Variants in PCSK4 observed in about 807,000 individuals in gnomAD.
PCSK4 encodes the protein proprotein convertase subtilisin/kexin type 4, also known as testicular tissue protein Li 135.
PCSK4 carries 64 observed loss-of-function variants against 80.3 expected under a neutral mutation model. The observed-to-expected ratio is 0.80, with a 90% CI of 0.65 to 0.98. PCSK4 has a LOEUF of 0.98. PCSK4 is among the 50% of genes least tolerant of loss of function. The pLI, the probability that PCSK4 is intolerant of heterozygous loss-of-function variation, is 0.00. For missense variants in PCSK4, 1,213 were observed against 1,093.6 expected (o/e 1.11, Z -1.54); for synonymous variants, 561 against 487.6 (o/e 1.15, Z -1.98).
rs937768370 is a variant in PCSK4 at position 1,482,810 on chromosome 19, G to C, written c.1696+86C>G. On this transcript the variant is annotated intron_variant, in intron 13 of 14. Transcript: ENST00000300954. ...AAGGCCACTGGGAACCCCTTTTGCA[G>C]TGCGGTCACCAAGGCTAGCTCCAGA... 8 of 1,437,898 alleles carry C rather than the reference G, an allele frequency of 5.6e-6. No homozygotes were observed. In the South Asian group the frequency reaches 7.0e-5, roughly 13 times the overall value. 89.1% of individuals were successfully genotyped at this position (1,437,898 alleles called of 1,614,324 possible). A position where few individuals can be genotyped will look rare whatever the true frequency, so the allele number is the denominator to read the frequency against.
intron 6 of PCSK4, 102 bp downstream of exon 6, chr19:1,487,501 C>A: frequency 9.1e-7 from 1 of 1,095,024 alleles, no homozygotes; most frequent in Non-Finnish European, 1.3e-6. Context: ...CACCACCCAG[C>A]AGTGAGAGGG....
Position 1,483,744 on chromosome 19 carries a change from GC to G in PCSK4, c.1296del (p.Leu433CysfsTer37). On this transcript the variant is annotated frameshift_variant, in exon 11 of 15. Transcript: ENST00000300954. LOFTEE classifies it high-confidence loss of function. ...TCCACCAGCAGCCCGGCGTCCAGCA[GC>G]CCGTATCCGTAGTGATGGCTCACTG... 1.3e-6 allele frequency: 2 copies of G among 1,593,232 alleles called. No homozygotes were observed. The highest frequency in any genetic ancestry group is 1.7e-6 in the Non-Finnish European group (2 of 1,177,006).
At chr19:1,482,510 AG>A (rs1321150687) in intron 13 of PCSK4, 35 bp from the exon 14 acceptor site, 1 of 1,582,568 alleles carries the variant, frequency 6.3e-7, no homozygotes, top group African/African-American at 1.3e-5. Context: ...CAGGAGGAAA[AG>A]GAGGCTCTCG....
At chr19:1,490,162 C>T (rs1223099067) in exon 1 of PCSK4, 5 of 1,613,600 alleles carry the variant, frequency 3.1e-6, no homozygotes, top group East Asian at 4.5e-5. Flanking sequence ...ACCCACCGGC[C>T]CCAGGTTGAC....
chr19:1,481,843 G>T (rs747631635), exon 15 of PCSK4: 2 of 1,570,462 alleles, frequency 1.3e-6, no homozygotes, highest in Admixed American at 3.5e-5. Flanking sequence ...GGAGGTCCAT[G>T]GACATGCCGC....
chr19:1,490,465 G>C (rs1429796028), upstream of PCSK4: 1 of 538,330 alleles, frequency 1.9e-6, no homozygotes, highest in Non-Finnish European at 3.2e-6. Flanking sequence ...TCGACTCCCA[G>C]GGGGCCTTGC....
At position 1,489,760 on chromosome 19, in the gene PCSK4, C is replaced by T. The variant is rs183323423; in HGVS notation, c.294+33G>A. On this transcript the variant is annotated intron_variant, in intron 2 of 14. Transcript: ENST00000300954. ...TGGCCCCAGGAGGCAGCTGAGACCC[C>T]GGGCAGGGGGTTGGCCTCCAGGCCA... is the stretch of plus-strand genomic sequence containing the variant. The T allele has an allele frequency of 6.2e-3, 9,876 of 1,582,804 alleles. 53 individuals are homozygous for T. The highest frequency in any genetic ancestry group is 6.9e-3 in the Non-Finnish European group (8,012 of 1,164,002).
chr19:1,490,381 C>G (rs1599260340), exon 1 of PCSK4: 1 of 806,622 alleles, frequency 1.2e-6, no homozygotes. Context: ...GCGCAAATCC[C>G]CTCCCTCCCG....
In PCSK4 at chr19:1,487,700, A is replaced by T; in HGVS notation, c.594-9T>A. The T allele has an allele frequency of 6.4e-7, 1 of 1,552,694 alleles. No individual in the cohort carries two copies. The highest frequency in any genetic ancestry group is 1.4e-5 in the African/African-American group (1 of 73,360). ...CACAGCGGGTCCCGTGCCTGGTGCC[A>T]GGGCCAAGAGGGGCTCCTGTCACGG... On this transcript the variant is annotated splice_polypyrimidine_tract_variant and intron_variant, in intron 5 of 14. Coordinates refer to ENST00000300954, the Ensembl canonical transcript of PCSK4.
In PCSK4 at chr19:1,482,892, T is replaced by C. The variant is rs2145326534; in HGVS notation, c.1696+4A>G. 7.5e-6 allele frequency: 7 copies of C among 932,590 alleles called. No individual in the cohort carries two copies. Among genetic ancestry groups the C allele is most frequent in the Admixed American group, 2.0e-5 (1 of 51,100 alleles). 57.8% of individuals were successfully genotyped at this position (932,590 alleles called of 1,614,324 possible). On this transcript the variant is annotated splice_donor_region_variant and intron_variant, in intron 13 of 14. Transcript: ENST00000300954. ...CGCCCACCACAGCCCCGCCCCGCCC[T>C]CACCCGTGTTGAAATAGTAGCCCTT...
At chr19:1,484,426 G>T (rs962057148) in intron 8 of PCSK4, among the ~76,000 whole-genome samples, 6 of 152,044 alleles carry the variant, frequency 3.9e-5, no homozygotes, top group African/African-American at 1.4e-4. Flanking sequence ...GGCAGAGGTT[G>T]CAGTGAGCGG....
Position 1,489,468 on chromosome 19 carries a change from G to A in PCSK4, c.294+325C>T, listed in dbSNP as rs2084823619. On this transcript the variant is annotated intron_variant, in intron 2 of 14. Coordinates refer to ENST00000300954, the Ensembl canonical transcript of PCSK4. The stretch of plus-strand genomic sequence containing the variant: ...ACTCTTTGGAACCCATTACGGTGTC[G>A]TAAAATCCCCTTCCCTCCATCCCAT... The A allele has an allele frequency of 1.2e-5, 4 of 325,206 alleles. No homozygotes were observed. The South Asian group carries it at 1.2e-4, about 10-fold the overall frequency. The allele number at this position is 325,206 out of a possible 1,614,324, so 20.1% of individuals were successfully genotyped here.
upstream of PCSK4, chr19:1,490,615 G>A (rs1331367351): frequency 3.5e-5 from 15 of 424,512 alleles, no homozygotes; most frequent in African/African-American, 6.2e-5. Context: ...AGAGAAGCGG[G>A]TTCACTGTTG....
At chr19:1,482,592 A>G (rs2084356323) in intron 13 of PCSK4, 117 bp from the exon 14 acceptor site, 2 of 1,289,960 alleles carry the variant, frequency 1.6e-6, no homozygotes, top group South Asian at 2.9e-5. Context: ...ACTGGTTCAC[A>G]TCTCTCAGGG....
intron 2 of PCSK4, among the ~76,000 whole-genome samples, chr19:1,488,911 C>G (rs2084787584): frequency 6.6e-6 from 1 of 152,288 alleles, no homozygotes; most frequent in African/African-American, 2.4e-5. Context: ...ACATCAGGAA[C>G]TGGCCACTGC....
At chr19:1,483,969 G>A in intron 9 of PCSK4, 28 bp from the exon 10 acceptor site, 4 of 1,430,362 alleles carry the variant, frequency 2.8e-6, no homozygotes, top group Non-Finnish European at 2.8e-6. Context: ...GGGGGCGGGT[G>A]AGCCGCCGGG....
At position 1,483,634 on chromosome 19, in the gene PCSK4, C is replaced by T. The variant is rs772380960; in HGVS notation, c.1391+16G>A. The T allele has an allele frequency of 1.2e-5, 19 of 1,556,006 alleles. No individual in the cohort carries two copies. In the East Asian group the frequency reaches 3.9e-4, roughly 32 times the overall value. On this transcript the variant is annotated intron_variant, in intron 11 of 14. Transcript: ENST00000300954. ...ACCCCCAGCGGGGATAGCGGAGGGG[C>T]GCGCAGGGGTCTCACGTGGGGCGGC... is the stretch of plus-strand genomic sequence containing the variant.
intron 2 of PCSK4, among the ~76,000 whole-genome samples, chr19:1,489,425 C>G (rs943365206): frequency 1.8e-4 from 27 of 152,234 alleles, no homozygotes; most frequent in African/African-American, 5.1e-4. Flanking sequence ...TGAGCCACCG[C>G]GCCGGGCCAA....
At chr19:1,483,429 C>G in exon 12 of PCSK4, 3 of 1,599,028 alleles carry the variant, frequency 1.9e-6, no homozygotes, top group African/African-American at 1.3e-5. Context: ...CAGGCCGATA[C>G]GTTTTCCCTG....
Sources: allele counts gnomAD v4.1 joint callset (sites outside exome capture counted in the v4.1 genomes callset), GRCh38; gene constraint gnomAD v4.1.1; transcripts MANE v1.5; gene names NCBI Gene and HGNC (gene_info 2026-07-23, HGNC 2026-07-21).